ATRN: variants seen among roughly 807,000 people sequenced by gnomAD.
ATRN encodes attractin-2.
Under a neutral mutation model 178.7 loss-of-function variants are expected in ATRN, and 54 were observed. The ratio of observed to expected loss-of-function variants is 0.30; its 90% CI spans 0.24 to 0.38. ATRN has a LOEUF of 0.38. Ranked by LOEUF, ATRN falls within the 10% of genes least tolerant of loss-of-function variation. The probability of loss-of-function intolerance (pLI) is 1.00; values close to 1 mark genes in which losing one functional copy is unlikely to be tolerated. For missense variants in ATRN, 1,443 were observed against 1,815.1 expected (o/e 0.79, Z 3.73); for synonymous variants, 636 against 663.0 (o/e 0.96, Z 0.63).
rs748613292 is a variant in ATRN, at chr20:3,547,333, A to C, written c.787A>C (p.Ser263Arg). 1.2e-5 allele frequency: 19 copies of C among 1,614,180 alleles called. No individual in the cohort carries two copies. The South Asian group carries it at 2.1e-4, about 18-fold the overall frequency. ...NCSGRGECKI[S>R]NSSDTVECEC... ...CTCAGGCCGAGGAGAGTGTAAGATC[A>C]GTAATAGCAGCGATACTGTTGAATG... Residue 263 changes from serine (S) to arginine (R), a missense_variant, in exon 5 of 29, where the codon AGT becomes CGT. Around this residue, in one of 4 missense-constraint regions of ATRN, gnomAD observed 862 missense variants for 972.1 expected, o/e 0.89. Transcript: ENST00000262919.
chr20:3,487,927 C>T (rs1327998361), intron 1 of ATRN, among the ~76,000 whole-genome samples: 1 of 152,174 alleles, frequency 6.6e-6, no homozygotes, highest in Non-Finnish European at 1.5e-5. Flanking sequence ...TTCCACCCTT[C>T]TTGAAGGGCT....
In ATRN at chr20:3,471,526, C is replaced by T. The variant is rs2084422732; in HGVS notation, c.410+9C>T. 3.6e-6 allele frequency: 5 copies of T among 1,382,660 alleles called. No individual in the cohort carries two copies. Among genetic ancestry groups the T allele is most frequent in the Non-Finnish European group, 4.7e-6 (5 of 1,075,234 alleles). 85.6% of individuals were successfully genotyped at this position (1,382,660 alleles called of 1,614,324 possible). A position where few individuals can be genotyped will look rare whatever the true frequency, so the allele number is the denominator to read the frequency against. On this transcript the variant is annotated intron_variant, in intron 1 of 28. Coordinates refer to ENST00000262919, the MANE Select transcript of ATRN (RefSeq NM_139321.3). ...TGCGGGGGCCGCTTCAGGTGAGTGG[C>T]GGGTGGTGTCGGAGGGTCGGGTCCA...
chr20:3,528,643 T>G (rs1433513100), intron 1 of ATRN, among the ~76,000 whole-genome samples: 1 of 152,058 alleles, frequency 6.6e-6, no homozygotes, highest in African/African-American at 2.4e-5. Flanking sequence ...GGTATTACGC[T>G]GATTACTTGG....
rs1257245295 is a variant in ATRN at position 3,637,141 on chromosome 20, T to G, written c.3943-1687T>G. Among the ~76,000 whole-genome samples the G allele has an allele frequency of 2.6e-5, 4 of 152,226 alleles. No homozygotes were observed. The East Asian group carries it at 7.7e-4, about 29-fold the overall frequency. ...AGTTGGTCATCTAATAAACTATGCT[T>G]TTACCCGTGTGATTTGGAATTTCTC... On this transcript the variant is annotated intron_variant, in intron 26 of 28. Coordinates refer to ENST00000262919, the MANE Select transcript of ATRN (RefSeq NM_139321.3).
chr20:3,596,211 G>A (rs905423514), intron 20 of ATRN, among the ~76,000 whole-genome samples, 166 bp from the exon 21 acceptor site: 2 of 152,196 alleles, frequency 1.3e-5, no homozygotes, highest in Non-Finnish European at 1.5e-5. Context: ...GTATTGAAGC[G>A]TTCATGCATG....
intron 21 of ATRN, among the ~76,000 whole-genome samples, chr20:3,597,268 A>G (rs1379183245): frequency 3.3e-5 from 5 of 152,102 alleles, no homozygotes; most frequent in African/African-American, 1.2e-4. Flanking sequence ...ACATCATCAT[A>G]TATTTGATAA....
chr20:3,624,201 G>A (rs941417816), intron 24 of ATRN, among the ~76,000 whole-genome samples: 15 of 152,168 alleles, frequency 9.9e-5, no homozygotes, highest in East Asian at 5.8e-4. Context: ...GGGTGGAGGC[G>A]CAGGGAGGGA....
intron 1 of ATRN, among the ~76,000 whole-genome samples, chr20:3,495,640 TGGGCTTGTATCATTA>T (rs1198912656): frequency 6.6e-6 from 1 of 152,154 alleles, no homozygotes; most frequent in Non-Finnish European, 1.5e-5. Flanking sequence ...CAGTTCAGTC[TGGGCTTGTATCATTA>T]GAGGGCTGGT....
intron 4 of ATRN, among the ~76,000 whole-genome samples, chr20:3,546,465 C>G (rs1267814750): frequency 7.2e-6 from 1 of 139,114 alleles, no homozygotes; most frequent in Non-Finnish European, 1.5e-5. Context: ...GATCTCGGAT[C>G]ACTGCAACCT....
intron 1 of ATRN, among the ~76,000 whole-genome samples, chr20:3,515,874 G>A (rs1408702563): frequency 2.0e-5 from 3 of 152,076 alleles, no homozygotes; most frequent in Non-Finnish European, 4.4e-5. Flanking sequence ...ACTCTGAATG[G>A]GCTTAAACCA....
At chr20:3,472,175 A>G (rs1008338258) in intron 1 of ATRN, among the ~76,000 whole-genome samples, 6 of 152,218 alleles carry the variant, frequency 3.9e-5, no homozygotes. Flanking sequence ...TTTCTGGACA[A>G]TATGAAGTTC....
At chr20:3,545,378 A>AC (rs984780718) in intron 3 of ATRN, among the ~76,000 whole-genome samples, 2 of 151,808 alleles carry the variant, frequency 1.3e-5, no homozygotes, top group Non-Finnish European at 2.9e-5. Context: ...AAAAAAAAAA[A>AC]AAACAACAAA....
chr20:3,584,569 A>T, intron 17 of ATRN, 78 bp from the exon 18 acceptor site: 1 of 964,152 alleles, frequency 1.0e-6, no homozygotes, highest in Non-Finnish European at 1.5e-6. Flanking sequence ...CCAGTTGAAT[A>T]GTCTGTTAAA....
intron 24 of ATRN, among the ~76,000 whole-genome samples, chr20:3,609,970 G>A (rs921345948): frequency 6.6e-6 from 1 of 152,140 alleles, no homozygotes; most frequent in African/African-American, 2.4e-5. Context: ...CGGGAAATAG[G>A]GAATTACTGC....
chr20:3,527,563 A>G (rs568800811), intron 1 of ATRN, among the ~76,000 whole-genome samples: 2 of 152,194 alleles, frequency 1.3e-5, no homozygotes, highest in African/African-American at 2.4e-5. Flanking sequence ...CAGCAATCCC[A>G]TTACTGGGTG....
At chr20:3,490,190 G>A (rs551039335) in intron 1 of ATRN, 12 of 1,516,102 alleles carry the variant, frequency 7.9e-6, no homozygotes, top group Admixed American at 5.0e-5. Context: ...GCTCTTCTAC[G>A]GTCCGCCACA....
chr20:3,490,607 G>A (rs991661197), intron 1 of ATRN: 27 of 1,019,584 alleles, frequency 2.6e-5, no homozygotes, highest in South Asian at 1.4e-4. Flanking sequence ...TCGAGGTAAC[G>A]ACCATATCCC....
chr20:3,514,629 C>T (rs181043307), intron 1 of ATRN, among the ~76,000 whole-genome samples: 11 of 152,232 alleles, frequency 7.2e-5, no homozygotes, highest in African/African-American at 2.4e-4. Context: ...GAATTCAATA[C>T]GTTAATGATA....
chr20:3,604,199 C>T lies in ATRN; in HGVS notation c.3738C>T (p.Arg1246=). Residue 1246 remains arginine, a synonymous_variant, in exon 24 of 29, where the codon CGC becomes CGT. Transcript: ENST00000262919. ...TCTCTAATGAGAAGTTTGATTTTCGCAACCACCCAAATATCACTTTCTTTG... is the reference window on the plus strand; with the variant it reads ...TCTCTAATGAGAAGTTTGATTTTCGTAACCACCCAAATATCACTTTCTTTG... ...DSFSNEKFDF[R]NHPNITFFVY... 3.1e-6 allele frequency: 5 copies of T among 1,613,234 alleles called. No individual in the cohort carries two copies. Among genetic ancestry groups the T allele is most frequent in the Non-Finnish European group, 4.2e-6 (5 of 1,179,762 alleles).
Sources: gnomAD v4.1 joint callset for allele counts (sites outside exome capture counted in the v4.1 genomes callset) on GRCh38, gnomAD v4.1.1 for gene constraint, gnomAD v4.1.1 regional missense constraint, MANE v1.5 for transcripts, NCBI Gene and HGNC (gene_info 2026-07-23, HGNC 2026-07-21) for gene names.